Variants in HTR1F observed in about 807,000 individuals in gnomAD.
The protein encoded by HTR1F is 5-hydroxytryptamine (serotonin) receptor 1F, G protein-coupled.
In HTR1F, 17 loss-of-function variants were observed where a neutral mutation model predicts 24.0. The observed-to-expected ratio is 0.71, with a 90% CI of 0.48 to 1.06. The LOEUF (loss-of-function observed/expected upper bound fraction) is 1.06, where lower values mean the gene tolerates loss of function less well. HTR1F is among the 50% of genes least tolerant of loss of function. HTR1F has a pLI of 0.00. For missense variants in HTR1F, 391 were observed against 427.8 expected, an observed-to-expected ratio of 0.91 and a Z score of 0.76; for synonymous variants, 186 against 156.8, an observed-to-expected ratio of 1.19 and a Z score of -1.39.
chr3:87,857,093 A>G (rs1303865327), intron 2 of HTR1F, among the ~76,000 whole-genome samples: 1 of 152,044 alleles, frequency 6.6e-6, no homozygotes, highest in Non-Finnish European at 1.5e-5. Flanking sequence ...CCAAGAAATT[A>G]TTTTATTATT....
chr3:87,885,538 A>G (rs1320514130), intron 2 of HTR1F, among the ~76,000 whole-genome samples: 1 of 152,168 alleles, frequency 6.6e-6, no homozygotes, highest in Admixed American at 6.5e-5. Context: ...CCTTCAAAAA[A>G]TCAGTGAATC....
intron 2 of HTR1F, among the ~76,000 whole-genome samples, chr3:87,887,571 A>T (rs1337521288): frequency 6.6e-6 from 1 of 152,166 alleles, no homozygotes; most frequent in Non-Finnish European, 1.5e-5. Context: ...TTTGCAATCT[A>T]TCCATCTGAC....
intron 2 of HTR1F, among the ~76,000 whole-genome samples, chr3:87,844,155 G>A (rs1312185112): frequency 6.6e-6 from 1 of 151,792 alleles, no homozygotes; most frequent in African/African-American, 2.4e-5. Flanking sequence ...CAGTGTAAAA[G>A]TGTTCTTATT....
intron 2 of HTR1F, among the ~76,000 whole-genome samples, chr3:87,844,600 G>A (rs1346652597): frequency 3.2e-5 from 4 of 123,308 alleles, no homozygotes; most frequent in African/African-American, 1.1e-4. Context: ...TGAAGTCCTT[G>A]CCCATGCCTA....
chr3:87,880,580 T>C (rs1037475484), intron 2 of HTR1F, among the ~76,000 whole-genome samples: 3 of 152,160 alleles, frequency 2.0e-5, no homozygotes, highest in African/African-American at 7.2e-5. Context: ...TATTCATTGA[T>C]ACCTAAAATT....
At chr3:87,969,984 C>G (rs1057126930) in intron 2 of HTR1F, among the ~76,000 whole-genome samples, 1 of 152,144 alleles carries the variant, frequency 6.6e-6, no homozygotes, top group Non-Finnish European at 1.5e-5. Flanking sequence ...TGCTGCCATG[C>G]AGACATGGCT....
intron 2 of HTR1F, among the ~76,000 whole-genome samples, chr3:87,859,079 C>T (rs2107224788): frequency 1.3e-5 from 2 of 152,238 alleles, no homozygotes; most frequent in South Asian, 2.1e-4. Context: ...TGCCTGTAAT[C>T]CCAGCCTACT....
chr3:87,934,412 C>T (rs868560140), intron 2 of HTR1F, among the ~76,000 whole-genome samples: 3 of 152,284 alleles, frequency 2.0e-5, no homozygotes, highest in African/African-American at 7.2e-5. Context: ...CCCTTGACCA[C>T]CTGGAACTGC....
intron 2 of HTR1F, among the ~76,000 whole-genome samples, chr3:87,979,253 C>T (rs1226353766): frequency 6.6e-6 from 1 of 151,986 alleles, no homozygotes; most frequent in African/African-American, 2.4e-5. Context: ...CAGCCAGATA[C>T]CTTCAGTTGC....
chr3:87,988,031 C>G (rs747468943), intron 2 of HTR1F, among the ~76,000 whole-genome samples: 35 of 151,552 alleles, frequency 2.3e-4, no homozygotes, highest in Admixed American at 7.9e-4. Flanking sequence ...GAGAAACAGC[C>G]TGTTGATTAT....
chr3:87,953,085 A>C (rs1007835802), intron 2 of HTR1F, among the ~76,000 whole-genome samples: 3 of 151,934 alleles, frequency 2.0e-5, no homozygotes, highest in African/African-American at 7.2e-5. Context: ...ATAAGACATG[A>C]AACTATTAAA....
At chr3:87,910,653 AAAC>A (rs1453936450) in intron 2 of HTR1F, among the ~76,000 whole-genome samples, 10 of 152,058 alleles carry the variant, frequency 6.6e-5, no homozygotes, top group Non-Finnish European at 1.5e-4. Context: ...CTGCACCCAA[AAAC>A]AACAGAATAT....
chr3:87,814,515 C>T (rs1166591952), intron 1 of HTR1F, among the ~76,000 whole-genome samples: 1 of 152,092 alleles, frequency 6.6e-6, no homozygotes, highest in Non-Finnish European at 1.5e-5. Context: ...TTTTTGTAAT[C>T]TATGACCAAC....
intron 2 of HTR1F, among the ~76,000 whole-genome samples, chr3:87,853,997 A>T (rs1353253861): frequency 1.3e-5 from 2 of 151,908 alleles, no homozygotes; most frequent in Non-Finnish European, 2.9e-5. Flanking sequence ...CTGCTTTTTA[A>T]AAGCCAGTAA....
chr3:87,843,493 C>T (rs1019898582), intron 2 of HTR1F, among the ~76,000 whole-genome samples: 9 of 150,222 alleles, frequency 6.0e-5, no homozygotes, highest in African/African-American at 2.2e-4. Flanking sequence ...GGCCCTTCAC[C>T]ATCCTGACTT....
chr3:87,895,520 T>G (rs1706179462), intron 2 of HTR1F, among the ~76,000 whole-genome samples: 1 of 152,172 alleles, frequency 6.6e-6, no homozygotes, highest in Admixed American at 6.5e-5. Flanking sequence ...ATATTATACT[T>G]AATTATCTTT....
At chr3:87,809,680 A>G (rs1330026422) in intron 1 of HTR1F, among the ~76,000 whole-genome samples, 3 of 152,072 alleles carry the variant, frequency 2.0e-5, no homozygotes, top group Non-Finnish European at 2.9e-5. Flanking sequence ...GTCTCCCTCT[A>G]TAATCACATT....
chr3:87,829,692 A>G (rs1481993041), intron 2 of HTR1F, among the ~76,000 whole-genome samples: 2 of 152,224 alleles, frequency 1.3e-5, no homozygotes, highest in South Asian at 4.1e-4. Flanking sequence ...CCAGCCACTC[A>G]TGCAAAACAC....
chr3:87,950,127 T>C (rs1452222592), intron 2 of HTR1F, among the ~76,000 whole-genome samples: 1 of 152,194 alleles, frequency 6.6e-6, no homozygotes, highest in Non-Finnish European at 1.5e-5. Flanking sequence ...TGAGAACCAA[T>C]GTACTCTTGC....
Sources: gnomAD v4.1 joint callset for allele counts (sites outside exome capture counted in the v4.1 genomes callset) on GRCh38, gnomAD v4.1.1 for gene constraint, MANE v1.5 for transcripts, NCBI Gene and HGNC (gene_info 2026-07-23, HGNC 2026-07-21) for gene names.